LRP5: variants seen among roughly 807,000 people sequenced by gnomAD.
LRP5 encodes the protein LDL receptor related protein 5, also known as low-density lipoprotein receptor-related protein 5.
A neutral mutation model predicts 154.1 loss-of-function variants in LRP5; 62 were observed. The ratio of observed to expected loss-of-function variants is 0.40; its 90% CI spans 0.33 to 0.50. LRP5 has a LOEUF of 0.50. Among genes scored for constraint, LRP5 ranks in the 20% least tolerant of loss-of-function variants. LRP5 has a pLI of 0.55. For missense variants in LRP5, 1,915 were observed against 2,336.7 expected, an observed-to-expected ratio of 0.82 and a Z score of 3.72; for synonymous variants, 966 against 1,011.5, an observed-to-expected ratio of 0.96 and a Z score of 0.85.
At chr11:68,338,014 T>TTG (rs2098606666) in intron 1 of LRP5, among the ~76,000 whole-genome samples, 1 of 152,160 alleles carries the variant, frequency 6.6e-6, no homozygotes, top group Non-Finnish European at 1.5e-5. Flanking sequence ...TTGGGTGGTT[T>TTG]TGTGTGTGCG....
chr11:68,443,656 ACT>A (rs200726644), intron 21 of LRP5, among the ~76,000 whole-genome samples: 3 of 120,344 alleles, frequency 2.5e-5, no homozygotes, highest in African/African-American at 3.3e-5. Flanking sequence ...TTATTTTCAC[ACT>A]CTCTCTCTTT....
At chr11:68,323,213 G>A (rs1426674485) in intron 1 of LRP5, among the ~76,000 whole-genome samples, 1 of 152,110 alleles carries the variant, frequency 6.6e-6, no homozygotes, top group Non-Finnish European at 1.5e-5. Flanking sequence ...GGTTCAAGCA[G>A]TTCTCCTGCC....
In LRP5 at chr11:68,439,827, C is replaced by G; in HGVS notation, c.4399C>G (p.Arg1467Gly). 3.1e-6 allele frequency: 5 copies of G among 1,610,364 alleles called. No homozygotes were observed. Among genetic ancestry groups the G allele is most frequent in the Non-Finnish European group, 4.2e-6 (5 of 1,178,968 alleles). The part of the protein sequence containing the change: ...MMSSVSLMGG[R>G]GGVPLYDRNH... ...GAGCTCCGTGAGCCTGATGGGGGGC[C>G]GGGGCGGGGTGCCCCTCTACGACCG... is the stretch of plus-strand genomic sequence containing the variant. The change falls in exon 21 of 23, where the codon CGG becomes GGG. Residue 1467 changes from arginine to glycine, a missense_variant. Transcript: ENST00000294304.
At chr11:68,305,919 T>A in the LRP5 span, among the ~76,000 whole-genome samples, 1 of 152,198 alleles carries the variant, frequency 6.6e-6, no homozygotes, top group Non-Finnish European at 1.5e-5. Flanking sequence ...CAACAGCAGT[T>A]GATTATCTCA....
intron 7 of LRP5, among the ~76,000 whole-genome samples, chr11:68,396,235 G>T (rs1398635248): frequency 3.9e-5 from 6 of 152,138 alleles, no homozygotes; most frequent in Admixed American, 2.6e-4. Context: ...AGACACATTT[G>T]GAACAATGGG....
intron 1 of LRP5, among the ~76,000 whole-genome samples, chr11:68,338,987 C>A (rs2098607318): frequency 2.0e-5 from 3 of 146,360 alleles, no homozygotes; most frequent in Admixed American, 1.4e-4. Flanking sequence ...GATTCTCCTG[C>A]CTCAGCCTCC....
At chr11:68,352,142 G>A (rs312785) in intron 2 of LRP5, among the ~76,000 whole-genome samples, 70,532 of 152,004 alleles carry the variant, frequency 0.46, 18,303 homozygotes, top group African/African-American at 0.68. Context: ...CCCTCTCCAC[G>A]GTTATTACCG....
At position 68,439,934 on chromosome 11, in the gene LRP5, G is replaced by T. The variant is rs770291326; in HGVS notation, c.4488+18G>T. 1.6e-5 allele frequency: 24 copies of T among 1,518,868 alleles called. No homozygotes were observed. Among genetic ancestry groups the T allele is most frequent in the East Asian group, 4.9e-5 (2 of 41,160 alleles). 94.1% of individuals were successfully genotyped at this position (1,518,868 alleles called of 1,614,324 possible). On this transcript the variant is annotated intron_variant, in intron 21 of 22. Transcript: ENST00000294304. Reference sequence around the variant, plus strand: ...ACCCGCCGGTGAGGGGCGGGGCCGGGGAGGGGCGGGGCGGGATGGGGCTGT... The same window carrying T: ...ACCCGCCGGTGAGGGGCGGGGCCGGTGAGGGGCGGGGCGGGATGGGGCTGT...
the LRP5 span, among the ~76,000 whole-genome samples, chr11:68,304,378 C>T: frequency 1.3e-5 from 2 of 152,260 alleles, no homozygotes; most frequent in Middle Eastern, 3.2e-3. Flanking sequence ...AGCTTGACAC[C>T]ATCCACCTAG....
In LRP5 at chr11:68,416,511, AGGAC is replaced by A. The variant is rs1438485677; in HGVS notation, c.3013_3016del (p.Asp1005ThrfsTer8). Reference sequence around the variant, plus strand: ...GGGCGCCAGAACATCAAGCGAGCCAAGGACGACGGGACCCAGGCAGGTGCCCTGT... The same window carrying A: ...GGGCGCCAGAACATCAAGCGAGCCAAGACGGGACCCAGGCAGGTGCCCTGT... On this transcript the variant is annotated frameshift_variant, in exon 13 of 23. Transcript: ENST00000294304. LOFTEE classifies it high-confidence loss of function. The A allele has an allele frequency of 6.2e-7, 1 of 1,614,180 alleles. No individual in the cohort carries two copies. Among genetic ancestry groups the A allele is most frequent in the East Asian group, 2.2e-5 (1 of 44,894 alleles).
At chr11:68,392,309 G>A (rs538209414) in intron 7 of LRP5, among the ~76,000 whole-genome samples, 50 of 152,206 alleles carry the variant, frequency 3.3e-4, no homozygotes, top group African/African-American at 1.1e-3. Flanking sequence ...TTTGAGACCA[G>A]CCTGGCCAAC....
At chr11:68,439,690 T>C (rs2153181895) in intron 20 of LRP5, 87 bp from the exon 21 acceptor site, 2 of 1,397,102 alleles carry the variant, frequency 1.4e-6, no homozygotes, top group Non-Finnish European at 2.0e-6. Context: ...TCGTGGGTAG[T>C]GGGAGCAGAG....
At chr11:68,338,044 A>G (rs912298285) in intron 1 of LRP5, among the ~76,000 whole-genome samples, 1 of 152,068 alleles carries the variant, frequency 6.6e-6, no homozygotes, top group Non-Finnish European at 1.5e-5. Flanking sequence ...GTATGTGTGT[A>G]TATCCTGCCC....
chr11:68,433,476 C>T (rs906964017), intron 17 of LRP5, 126 bp from the exon 18 acceptor site: 7 of 850,860 alleles, frequency 8.2e-6, no homozygotes, highest in South Asian at 2.7e-5. Context: ...TGCAGCACCC[C>T]GTACAGCAGG....
At position 68,363,865 on chromosome 11, in the gene LRP5, G is replaced by T; in HGVS notation, c.805G>T (p.Gly269Trp). 1 of 1,613,188 alleles carries T rather than the reference G, an allele frequency of 6.2e-7. No individual in the cohort carries two copies. The highest frequency in any genetic ancestry group is 8.5e-7 in the Non-Finnish European group (1 of 1,179,868). Residue 269 changes from glycine (G) to tryptophan (W), a missense_variant, in exon 4 of 23, where the codon GGG becomes TGG. This residue lies in a region of LRP5 where 773 missense variants were observed against 1,100.9 expected (regional missense o/e 0.70). Transcript: ENST00000294304. ...CCATGCCTGCAACAAGCGCACTGGGGGGAAGAGGAAGGAGATCCTGAGTGC... is the reference window on the plus strand; with the variant it reads ...CCATGCCTGCAACAAGCGCACTGGGTGGAAGAGGAAGGAGATCCTGAGTGC... ...SIHACNKRTGGKRKEILSALY... is the reference protein window; with the variant it reads ...SIHACNKRTGWKRKEILSALY...
chr11:68,370,823 G>A (rs2098633646), intron 5 of LRP5, among the ~76,000 whole-genome samples: 1 of 152,206 alleles, frequency 6.6e-6, no homozygotes, highest in African/African-American at 2.4e-5. Context: ...GCCAGTGTGG[G>A]GACTGTTTTA....
intron 5 of LRP5, among the ~76,000 whole-genome samples, chr11:68,384,240 C>G (rs529166937): frequency 6.6e-6 from 1 of 152,168 alleles, no homozygotes; most frequent in African/African-American, 2.4e-5. Flanking sequence ...TTCCTCCTGG[C>G]GAGAGCCAGA....
At chr11:68,314,884 GC>G (rs2098591976) in intron 1 of LRP5, among the ~76,000 whole-genome samples, 1 of 152,208 alleles carries the variant, frequency 6.6e-6, no homozygotes, top group Non-Finnish European at 1.5e-5. Flanking sequence ...CAAGAAATTC[GC>G]CGGTGAACCC....
chr11:68,426,527 A>C (rs2098668876), intron 16 of LRP5, among the ~76,000 whole-genome samples: 1 of 148,878 alleles, frequency 6.7e-6, no homozygotes, highest in Non-Finnish European at 1.5e-5. Flanking sequence ...GGGCTTAATT[A>C]AGTGAACACC....
Sources: allele counts gnomAD v4.1 joint callset (sites outside exome capture counted in the v4.1 genomes callset), GRCh38; gene constraint gnomAD v4.1.1; regional missense constraint gnomAD v4.1.1; transcripts MANE v1.5; gene names NCBI Gene and HGNC (gene_info 2026-07-23, HGNC 2026-07-21).